FCHSD2: variants seen among roughly 807,000 people sequenced by gnomAD.
The protein encoded by FCHSD2 is FCH and double SH3 domains 2.
A neutral mutation model predicts 108.1 loss-of-function variants in FCHSD2; 38 were observed. That is an observed-to-expected ratio of 0.35 (90% confidence interval 0.27 to 0.46). The LOEUF is 0.46. Ranked by LOEUF, FCHSD2 falls within the 20% of genes least tolerant of loss-of-function variation. The pLI, the probability that FCHSD2 is intolerant of heterozygous loss-of-function variation, is 1.00. For missense variants in FCHSD2, 751 were observed against 897.8 expected, an observed-to-expected ratio of 0.84 and a Z score of 2.09; for synonymous variants, 279 against 314.7, an observed-to-expected ratio of 0.89 and a Z score of 1.20.
chr11:73,064,942 G>C (rs966935505), intron 3 of FCHSD2, among the ~76,000 whole-genome samples: 1 of 152,080 alleles, frequency 6.6e-6, no homozygotes, highest in African/African-American at 2.4e-5. Context: ...AGGGGAGTTG[G>C]TACCATTCCT....
chr11:72,853,571 C>T (rs1357531377), intron 13 of FCHSD2, among the ~76,000 whole-genome samples: 1 of 152,098 alleles, frequency 6.6e-6, no homozygotes, highest in African/African-American at 2.4e-5. Context: ...CATGCCACCA[C>T]ACCCGGCTAA....
intron 2 of FCHSD2, among the ~76,000 whole-genome samples, chr11:73,113,353 CTTTTT>C (rs35979371): frequency 6.4e-4 from 19 of 29,904 alleles, no homozygotes; most frequent in South Asian, 5.0e-3. Context: ...CCAAGATGGT[CTTTTT>C]TTTTTTTTTT....
chr11:72,887,764 T>G (rs12792581), intron 11 of FCHSD2, among the ~76,000 whole-genome samples, 190 bp from the exon 12 acceptor site: 106 of 152,318 alleles, frequency 7.0e-4, no homozygotes, highest in Non-Finnish European at 1.2e-3. Context: ...AGACAGTCCC[T>G]TCAGTGGGGA....
chr11:73,012,476 T>TA (rs1456361340), intron 4 of FCHSD2, among the ~76,000 whole-genome samples: 7 of 152,220 alleles, frequency 4.6e-5, no homozygotes, highest in Non-Finnish European at 8.8e-5. Context: ...ACCTACTTGA[T>TA]AAAAAACATG....
rs79063774 is a variant in FCHSD2 at position 73,000,237 on chromosome 11, G to A, written c.387+753C>T. Among the ~76,000 whole-genome samples, 1,231 of 152,094 alleles carry A rather than the reference G, an allele frequency of 8.1e-3. 30 individuals are homozygous for A. The highest frequency in any genetic ancestry group is 0.028 in the Admixed American group (432 of 15,280). On this transcript the variant is annotated intron_variant, in intron 5 of 19. Transcript: ENST00000409418. ...GATGGCTTCTAAAATATTATTTCCC[G>A]AAATAATTACTTTAATATTTTCTTT...
At chr11:72,902,011 A>T (rs1302491662) in intron 10 of FCHSD2, among the ~76,000 whole-genome samples, 1 of 151,842 alleles carries the variant, frequency 6.6e-6, no homozygotes, top group African/African-American at 2.4e-5. Context: ...AGTAGCTGGG[A>T]TTACAGGGGC....
chr11:73,129,360 G>A (rs981037931), intron 2 of FCHSD2, among the ~76,000 whole-genome samples: 3 of 152,156 alleles, frequency 2.0e-5, no homozygotes, highest in South Asian at 2.1e-4. Context: ...GGTGAGTGGC[G>A]GGCAAGCAGG....
At chr11:72,851,537 G>A (rs1034212258) in intron 13 of FCHSD2, among the ~76,000 whole-genome samples, 4 of 152,022 alleles carry the variant, frequency 2.6e-5, no homozygotes, top group African/African-American at 4.8e-5. Flanking sequence ...ACAGGAGATC[G>A]AGATCATCCT....
At chr11:73,131,523 C>T (rs755381337) in intron 2 of FCHSD2, among the ~76,000 whole-genome samples, 31 of 151,070 alleles carry the variant, frequency 2.1e-4, no homozygotes, top group Non-Finnish European at 4.1e-4. Flanking sequence ...AGTGAGACTT[C>T]GTCTCAAAAA....
chr11:73,022,721 T>C (rs918589841), intron 3 of FCHSD2, among the ~76,000 whole-genome samples: 6 of 152,206 alleles, frequency 3.9e-5, no homozygotes, highest in Admixed American at 2.6e-4. Context: ...AAGATAAAGG[T>C]ATTAGAATAG....
intron 3 of FCHSD2, among the ~76,000 whole-genome samples, chr11:73,060,260 G>A (rs1046945022): frequency 6.6e-5 from 10 of 152,170 alleles, no homozygotes; most frequent in African/African-American, 1.7e-4. Flanking sequence ...ACCATATTTT[G>A]GCATTTAGGA....
At chr11:72,844,396 A>T (rs1861061382) in intron 14 of FCHSD2, among the ~76,000 whole-genome samples, 1 of 152,180 alleles carries the variant, frequency 6.6e-6, no homozygotes, top group South Asian at 2.1e-4. Flanking sequence ...CATGGTTTGG[A>T]TTTCTTATGC....
intron 3 of FCHSD2, among the ~76,000 whole-genome samples, chr11:73,031,660 T>C (rs1858364282): frequency 6.6e-6 from 1 of 152,170 alleles, no homozygotes; most frequent in Non-Finnish European, 1.5e-5. Context: ...AAGGACCATA[T>C]TAACCAACAC....
At chr11:73,060,311 T>C (rs1038440879) in intron 3 of FCHSD2, among the ~76,000 whole-genome samples, 1 of 152,252 alleles carries the variant, frequency 6.6e-6, no homozygotes, top group Non-Finnish European at 1.5e-5. Flanking sequence ...ACCTATTTAT[T>C]ATTATTATCT....
intron 8 of FCHSD2, among the ~76,000 whole-genome samples, chr11:72,926,674 C>T (rs934787480): frequency 2.0e-5 from 3 of 152,156 alleles, no homozygotes; most frequent in Non-Finnish European, 4.4e-5. Context: ...TCTTCTTTAC[C>T]CTTCACTTGT....
chr11:72,844,708 C>G (rs1861071862), intron 14 of FCHSD2, among the ~76,000 whole-genome samples: 1 of 152,104 alleles, frequency 6.6e-6, no homozygotes, highest in Admixed American at 6.5e-5. Context: ...GGGTTAAAAC[C>G]ATCACCTAAA....
chr11:72,930,250 C>G (rs1285314968), intron 8 of FCHSD2, among the ~76,000 whole-genome samples: 1 of 152,020 alleles, frequency 6.6e-6, no homozygotes, highest in Non-Finnish European at 1.5e-5. Context: ...TAATAGCTGC[C>G]GAAACAATCT....
At chr11:73,019,835 G>T (rs1470531893) in intron 3 of FCHSD2, among the ~76,000 whole-genome samples, 1 of 151,988 alleles carries the variant, frequency 6.6e-6, no homozygotes, top group Non-Finnish European at 1.5e-5. Context: ...ATGAATAAAA[G>T]GTTTACTTAC....
intron 9 of FCHSD2, among the ~76,000 whole-genome samples, chr11:72,903,019 G>A (rs1855557927): frequency 6.6e-6 from 1 of 152,058 alleles, no homozygotes. Context: ...AATTGTATGG[G>A]CCTCTTAAAG....
Sources: gnomAD v4.1 joint callset for allele counts (sites outside exome capture counted in the v4.1 genomes callset) on GRCh38, gnomAD v4.1.1 for gene constraint, MANE v1.5 for transcripts, NCBI Gene and HGNC (gene_info 2026-07-23, HGNC 2026-07-21) for gene names.